Variants in SPIRE1 observed in about 807,000 individuals in gnomAD.
The protein encoded by SPIRE1 is spire type actin nucleation factor 1.
A neutral mutation model predicts 94.1 loss-of-function variants in SPIRE1; 40 were observed. The observed-to-expected ratio is 0.43, with a 90% confidence interval of 0.33 to 0.55. The LOEUF is 0.55. SPIRE1 is among the 20% of genes least tolerant of loss of function. The pLI is 0.06. For missense variants in SPIRE1, 838 were observed against 975.2 expected (o/e 0.86, Z 1.87); for synonymous variants, 376 against 371.7 (o/e 1.01, Z -0.13).
intron 3 of SPIRE1, among the ~76,000 whole-genome samples, chr18:12,542,257 G>T (rs1001334121): frequency 6.6e-6 from 1 of 152,112 alleles, no homozygotes; most frequent in African/African-American, 2.4e-5. Flanking sequence ...TTACAGGCAT[G>T]AGCCACCGCA....
At chr18:12,452,166 A>G (rs1315205689) in intron 16 of SPIRE1, 89 bp downstream of exon 16, 2 of 1,517,994 alleles carry the variant, frequency 1.3e-6, no homozygotes, top group African/African-American at 2.8e-5. Flanking sequence ...AAACCCCTCG[A>G]GCCAAAACCC....
At chr18:12,628,091 C>A (rs181323576) in intron 2 of SPIRE1, among the ~76,000 whole-genome samples, 161 of 152,206 alleles carry the variant, frequency 1.1e-3, no homozygotes, top group African/African-American at 3.7e-3. Context: ...GCTTTTGTTG[C>A]CATTGCTTTT....
chr18:12,538,352 C>A (rs867613708), intron 3 of SPIRE1, among the ~76,000 whole-genome samples: 1 of 152,126 alleles, frequency 6.6e-6, no homozygotes, highest in African/African-American at 2.4e-5. Context: ...AGTTATTTAA[C>A]ATTGCTGGGT....
intron 10 of SPIRE1, among the ~76,000 whole-genome samples, chr18:12,472,754 G>A (rs945920645): frequency 6.6e-6 from 1 of 151,898 alleles, no homozygotes; most frequent in Non-Finnish European, 1.5e-5. Flanking sequence ...TTTAACTCCT[G>A]GGCTCAAGTG....
rs1426758209 is a variant in SPIRE1 at position 12,448,681 on chromosome 18, T to C, written c.*957A>G. 1.3e-5 allele frequency: 2 copies of C among 152,198 alleles called. No homozygotes were observed. Among genetic ancestry groups the C allele is most frequent in the African/African-American group, 4.8e-5 (2 of 41,438 alleles). 9.4% of individuals were successfully genotyped at this position (152,198 alleles called of 1,614,324 possible). A position where few individuals can be genotyped will look rare whatever the true frequency, so the allele number is the denominator to read the frequency against. On this transcript the variant is annotated 3_prime_UTR_variant, in exon 17 of 17. Transcript: ENST00000409402. This position sits in a 1 kb window ranked among gnomAD's most constrained non-coding sequence, Gnocchi z 4.4. ...TTAGTTTGAGACCCTAGGTACCAAA[T>C]TGTGGCTTAATTTACTCAAGATGGA...
intron 16 of SPIRE1, 89 bp from the exon 17 acceptor site, chr18:12,449,985 GT>G (rs35442495): frequency 0.12 from 168,451 of 1,362,668 alleles, 16,350 homozygotes; most frequent in African/African-American, 0.47. Flanking sequence ...AAGTAAATTT[GT>G]TGTCAAAACA....
intron 2 of SPIRE1, among the ~76,000 whole-genome samples, chr18:12,582,496 T>C (rs912431401): frequency 6.6e-6 from 1 of 152,128 alleles, no homozygotes; most frequent in Non-Finnish European, 1.5e-5. Context: ...GATAAATAGA[T>C]TACTGTATAA....
rs1403604737 is a variant in SPIRE1, at chr18:12,493,268, C to T, written c.1060-67G>A. 6 of 1,403,104 alleles carry T rather than the reference C, an allele frequency of 4.3e-6. No homozygotes were observed. In the South Asian group the frequency reaches 6.6e-5, roughly 15 times the overall value. The allele number at this position is 1,403,104 out of a possible 1,614,324, so 86.9% of individuals were successfully genotyped here. A position where few individuals can be genotyped will look rare whatever the true frequency, so the allele number is the denominator to read the frequency against. On this transcript the variant is annotated intron_variant, in intron 7 of 16. Transcript: ENST00000409402. ...TAATTTTTACTGAAGTCTAGTCATA[C>T]AGTACAGTATTATAAATTACATTTC...
At chr18:12,479,165 TTTTTC>T (rs992745687) in intron 10 of SPIRE1, among the ~76,000 whole-genome samples, 4 of 148,150 alleles carry the variant, frequency 2.7e-5, no homozygotes, top group African/African-American at 1.0e-4. Context: ...ATGTATTTTT[TTTTTC>T]TTTTTCTTTT....
chr18:12,619,848 GAA>G (rs35340668), intron 2 of SPIRE1, among the ~76,000 whole-genome samples: 2 of 110,996 alleles, frequency 1.8e-5, no homozygotes, highest in East Asian at 4.8e-4. Flanking sequence ...TCTGCCTCAG[GAA>G]AAAAAAAAAA....
At chr18:12,454,974 C>T (rs886819150) in intron 12 of SPIRE1, among the ~76,000 whole-genome samples, 3 of 151,520 alleles carry the variant, frequency 2.0e-5, no homozygotes, top group African/African-American at 7.3e-5. Flanking sequence ...CTCATTCTGT[C>T]ACCCAGGCTG....
chr18:12,466,237 C>T (rs957770076), intron 10 of SPIRE1, among the ~76,000 whole-genome samples: 57 of 151,918 alleles, frequency 3.8e-4, no homozygotes, highest in African/African-American at 1.2e-3. Context: ...AAATACTATG[C>T]GAGATAAACA....
intron 2 of SPIRE1, among the ~76,000 whole-genome samples, chr18:12,549,633 TAG>T (rs1277300500): frequency 2.0e-5 from 3 of 151,616 alleles, no homozygotes; most frequent in Non-Finnish European, 4.4e-5. Context: ...TGTATTTTAG[TAG>T]AGTCGGGGTT....
At chr18:12,637,592 G>C (rs1446959932) in intron 1 of SPIRE1, among the ~76,000 whole-genome samples, 1 of 152,146 alleles carries the variant, frequency 6.6e-6, no homozygotes, top group African/African-American at 2.4e-5. Context: ...CCTAACGTGA[G>C]AAGAAAAGGA....
chr18:12,478,527 G>A (rs537705213), intron 10 of SPIRE1, among the ~76,000 whole-genome samples: 4 of 146,736 alleles, frequency 2.7e-5, no homozygotes, highest in African/African-American at 7.5e-5. Context: ...GTGTGCATGT[G>A]TGTGTGTAGC....
intron 10 of SPIRE1, among the ~76,000 whole-genome samples, chr18:12,478,795 A>G (rs2032723115): frequency 6.6e-6 from 1 of 152,108 alleles, no homozygotes; most frequent in African/African-American, 2.4e-5. Flanking sequence ...GGGGCTTGAG[A>G]TGGATGTGGG....
Position 12,531,579 on chromosome 18 carries a change from A to C in SPIRE1, c.729+3897T>G, listed in dbSNP as rs139422302. ...GCACTGAGAACTTACTTCTATGTGA[A>C]TCTCTAATCTCTCTAAGCCTCAGTT... On this transcript the variant is annotated intron_variant, in intron 4 of 16. Coordinates refer to ENST00000409402, the MANE Select transcript of SPIRE1 (RefSeq NM_001128626.2). 1.1e-3 allele frequency among the ~76,000 whole-genome samples: 166 copies of C among 152,298 alleles called. 1 individual carries two copies. The highest frequency in any genetic ancestry group is 6.2e-3 in the East Asian group (32 of 5,176).
At chr18:12,544,371 G>GT (rs971332575) in intron 3 of SPIRE1, among the ~76,000 whole-genome samples, 6 of 128,060 alleles carry the variant, frequency 4.7e-5, no homozygotes, top group African/African-American at 1.3e-4. Context: ...GATTAATTTT[G>GT]TATTTTTTTT....
At chr18:12,472,487 C>A (rs1227442578) in intron 10 of SPIRE1, among the ~76,000 whole-genome samples, 1 of 151,266 alleles carries the variant, frequency 6.6e-6, no homozygotes, top group Non-Finnish European at 1.5e-5. Context: ...CCCACCTCAG[C>A]CTCCCAAGTA....
Sources: gnomAD v4.1 joint callset for allele counts (sites outside exome capture counted in the v4.1 genomes callset) on GRCh38, gnomAD v4.1.1 for gene constraint, Gnocchi (gnomAD v3.1) non-coding constraint, MANE v1.5 for transcripts, NCBI Gene and HGNC (gene_info 2026-07-23, HGNC 2026-07-21) for gene names.